The following RNF6 variants were observed in gnomAD, a reference collection of about 807,000 sequenced individuals.
RNF6 encodes the protein E3 ubiquitin-protein ligase RNF6.
A neutral mutation model predicts 50.1 loss-of-function variants in RNF6; 21 were observed. The ratio of observed to expected loss-of-function variants is 0.42; its 90% CI spans 0.30 to 0.60. The LOEUF is 0.60. Ranked by LOEUF, RNF6 falls within the 20% of genes least tolerant of loss-of-function variation. The probability of loss-of-function intolerance (pLI) is 0.20; values close to 1 mark genes in which losing one functional copy is unlikely to be tolerated. For synonymous variants in RNF6, 255 were observed against 291.8 expected (o/e 0.87, Z 1.29); for missense variants, 698 against 838.2 (o/e 0.83, Z 2.07).
At chr13:26,174,336 C>T (rs1872847842) in intron 5 of RNF6, among the ~76,000 whole-genome samples, 1 of 152,016 alleles carries the variant, frequency 6.6e-6, no homozygotes, top group Admixed American at 6.6e-5. Context: ...AGTGGGGCAG[C>T]TGCAATACGT....
At chr13:26,166,433 G>A (rs117905588) in intron 5 of RNF6, among the ~76,000 whole-genome samples, 4,677 of 152,232 alleles carry the variant, frequency 0.031, 97 homozygotes, top group South Asian at 0.057. Context: ...TGCAGACAAC[G>A]TGATTCTATA....
intron 5 of RNF6, among the ~76,000 whole-genome samples, chr13:26,148,188 C>T (rs1871351746): frequency 6.6e-6 from 1 of 152,092 alleles, no homozygotes; most frequent in African/African-American, 2.4e-5. Flanking sequence ...ACCATCAGCT[C>T]TCCTGAGAAC....
chr13:26,216,824 G>A (rs60520219), intron 4 of RNF6, among the ~76,000 whole-genome samples: 3,456 of 152,152 alleles, frequency 0.023, 107 homozygotes, highest in South Asian at 0.08. Context: ...GCATGGTGGC[G>A]TGCGCCTGTA....
intron 2 of RNF6, 70 bp from the exon 3 acceptor site, chr13:26,219,737 T>C: frequency 2.9e-6 from 4 of 1,362,934 alleles, no homozygotes; most frequent in Non-Finnish European, 4.0e-6. Context: ...TATTTTTAAC[T>C]TGCAGTTTTT....
rs116913662 is a variant in RNF6 at position 26,200,200 on chromosome 13, A to T, written n.768+15274T>A. Among the ~76,000 whole-genome samples the T allele has an allele frequency of 5.6e-3, 855 of 152,336 alleles. 6 individuals are homozygous for T. The highest frequency in any genetic ancestry group is 0.027 in the Middle Eastern group (8 of 294). On this transcript the variant is annotated intron_variant and non_coding_transcript_variant, in intron 5 of 5. Coordinates refer to the RNF6 transcript ENST00000468480. ...CCTAAACAGACCAAGGCAATACCTG[A>T]CATCATCAATCATTATGGACATTCA...
intron 5 of RNF6, among the ~76,000 whole-genome samples, chr13:26,152,372 C>T (rs1871659835): frequency 6.6e-6 from 1 of 152,168 alleles, no homozygotes; most frequent in Non-Finnish European, 1.5e-5. Flanking sequence ...CTTGGTCCAT[C>T]GGATTACGTT....
chr13:26,176,152 G>A (rs993695870), intron 5 of RNF6, among the ~76,000 whole-genome samples: 3 of 152,188 alleles, frequency 2.0e-5, no homozygotes, highest in African/African-American at 4.8e-5. Context: ...GAGGACAGAG[G>A]GGTTGGCTGG....
intron 1 of RNF6, chr13:26,221,760 G>C (rs1870528931): frequency 6.6e-6 from 1 of 152,176 alleles, no homozygotes; most frequent in Admixed American, 6.5e-5. Flanking sequence ...TAAATAAAGT[G>C]GGCTCAAGAG....
chr13:26,150,895 A>G (rs1871555666), intron 5 of RNF6: 1 of 152,204 alleles, frequency 6.6e-6, no homozygotes, highest in African/African-American at 2.4e-5. Context: ...TTGGGGACAT[A>G]CCTGGAATTT....
chr13:26,139,627 C>T (rs1870831061), intron 5 of RNF6, among the ~76,000 whole-genome samples: 1 of 152,140 alleles, frequency 6.6e-6, no homozygotes, highest in African/African-American at 2.4e-5. Flanking sequence ...ACCTCAAGAT[C>T]AGTTTGAAGG....
chr13:26,207,226 T>C (rs1035830015), intron 5 of RNF6, among the ~76,000 whole-genome samples: 1 of 138,944 alleles, frequency 7.2e-6, no homozygotes, highest in African/African-American at 2.6e-5. Flanking sequence ...GAGAACAGCA[T>C]GGGCAAAAAA....
intron 5 of RNF6, among the ~76,000 whole-genome samples, chr13:26,190,843 C>A (rs1868424780): frequency 6.6e-6 from 1 of 152,186 alleles, no homozygotes; most frequent in Admixed American, 6.5e-5. Flanking sequence ...TCAAAGGATG[C>A]AATGGCCAGT....
intron 5 of RNF6, among the ~76,000 whole-genome samples, chr13:26,160,931 C>T (rs1419998828): frequency 2.0e-5 from 3 of 152,026 alleles, no homozygotes; most frequent in Admixed American, 6.6e-5. Flanking sequence ...CAGAATGGAT[C>T]GGGGCTGACT....
At chr13:26,198,207 A>T (rs1868753556) in intron 5 of RNF6, among the ~76,000 whole-genome samples, 1 of 151,562 alleles carries the variant, frequency 6.6e-6, no homozygotes, top group Admixed American at 6.6e-5. Context: ...ATGATTGTGA[A>T]GTTTGGTATA....
chr13:26,161,486 G>T lies in RNF6; in HGVS notation n.769-29035C>A, dbSNP rs1872212055. On this transcript the variant is annotated intron_variant and non_coding_transcript_variant, in intron 5 of 5. Transcript: ENST00000468480. ...CTCTTCATTTATTTAGGTCCCCTTT[G>T]TGTCCTGCAGTAAAATGTTTTTGTT... Among the ~76,000 whole-genome samples, 3 of 152,124 alleles carry T rather than the reference G, an allele frequency of 2.0e-5. No homozygotes were observed. In the South Asian group the frequency reaches 6.2e-4, roughly 32 times the overall value.
chr13:26,208,376 T>A (rs1441997878), downstream of RNF6, among the ~76,000 whole-genome samples: 1 of 152,162 alleles, frequency 6.6e-6, no homozygotes, highest in Non-Finnish European at 1.5e-5. Flanking sequence ...TGTCACGAGC[T>A]TTTCTGGTAG....
intron 5 of RNF6, among the ~76,000 whole-genome samples, chr13:26,174,241 G>T (rs1872843548): frequency 6.6e-6 from 1 of 152,074 alleles, no homozygotes; most frequent in Non-Finnish European, 1.5e-5. Flanking sequence ...AGGATTTCGA[G>T]GGCAAGAGTC....
intron 5 of RNF6, among the ~76,000 whole-genome samples, chr13:26,182,671 G>T (rs571481844): frequency 2.3e-4 from 35 of 152,232 alleles, no homozygotes; most frequent in African/African-American, 7.9e-4. Context: ...TGGGCATGGT[G>T]GCACACACCT....
rs6491114 is a variant in RNF6 at position 26,176,281 on chromosome 13, C to T, written n.768+39193G>A. On this transcript the variant is annotated intron_variant and non_coding_transcript_variant, in intron 5 of 5. Coordinates refer to the RNF6 transcript ENST00000468480. ...CCTTTTGCTTTAAGCATACTCTTCC[C>T]AGTCTCTTCTCTTTTTTTTAGAGAG... Among the ~76,000 whole-genome samples, 914 of 152,302 alleles carry T rather than the reference C, an allele frequency of 6.0e-3. 11 individuals are homozygous for T. Among genetic ancestry groups the T allele is most frequent in the African/African-American group, 0.021 (864 of 41,570 alleles).
Sources: gnomAD v4.1 joint callset for allele counts (sites outside exome capture counted in the v4.1 genomes callset) on GRCh38, gnomAD v4.1.1 for gene constraint, MANE v1.5 for transcripts, NCBI Gene and HGNC (gene_info 2026-07-23, HGNC 2026-07-21) for gene names.